The following HLCS variants were observed in gnomAD, a reference collection of about 807,000 sequenced individuals.
HLCS encodes the protein biotin--protein ligase.
In HLCS, 53 loss-of-function variants were observed where a neutral mutation model predicts 75.0. The ratio of observed to expected loss-of-function variants is 0.71; its 90% CI spans 0.57 to 0.89. HLCS has a LOEUF of 0.89. Ranked by LOEUF, HLCS falls within the 40% of genes least tolerant of loss-of-function variation. The pLI, the probability that HLCS is intolerant of heterozygous loss-of-function variation, is 0.00. For missense variants in HLCS, 966 were observed against 1,074.0 expected (o/e 0.90, Z 1.41); for synonymous variants, 431 against 428.6 (o/e 1.01, Z -0.07).
intron 6 of HLCS, among the ~76,000 whole-genome samples, chr21:36,791,117 C>T (rs746804801): frequency 2.0e-5 from 3 of 152,184 alleles, no homozygotes; most frequent in Non-Finnish European, 4.4e-5. Flanking sequence ...AACATATAGG[C>T]TTGTCCAAAA....
intron 4 of HLCS, among the ~76,000 whole-genome samples, chr21:36,930,886 C>T (rs1193283588): frequency 3.9e-5 from 6 of 152,156 alleles, no homozygotes; most frequent in Non-Finnish European, 7.3e-5. Context: ...TGAGAGGCCA[C>T]GGTGGAAATG....
intron 6 of HLCS, among the ~76,000 whole-genome samples, chr21:36,857,946 C>T (rs1359270180): frequency 1.1e-4 from 17 of 151,922 alleles, no homozygotes; most frequent in African/African-American, 4.1e-4. Flanking sequence ...TGAGGCACCA[C>T]ACCCGGCTAA....
intron 6 of HLCS, among the ~76,000 whole-genome samples, chr21:36,879,557 G>C (rs2064123665): frequency 6.6e-6 from 1 of 152,046 alleles, no homozygotes; most frequent in African/African-American, 2.4e-5. Flanking sequence ...TTTCCATTTT[G>C]GAATGGGGTG....
chr21:36,822,223 C>T (rs1427741878), intron 6 of HLCS, among the ~76,000 whole-genome samples: 1 of 152,148 alleles, frequency 6.6e-6, no homozygotes, highest in East Asian at 1.9e-4. Context: ...AGTTCGAAAC[C>T]AGCCTGGCCA....
At chr21:36,916,833 A>T (rs2065954702) in intron 5 of HLCS, among the ~76,000 whole-genome samples, 1 of 152,124 alleles carries the variant, frequency 6.6e-6, no homozygotes. Flanking sequence ...ACTTCAAATA[A>T]AACAAATACT....
chr21:36,817,161 T>C (rs1051947317), intron 6 of HLCS, among the ~76,000 whole-genome samples: 5 of 152,344 alleles, frequency 3.3e-5, no homozygotes, highest in African/African-American at 1.2e-4. Context: ...CATACTCTTT[T>C]CAAAATGAAA....
At chr21:36,905,871 G>A (rs1458861197) in intron 5 of HLCS, among the ~76,000 whole-genome samples, 1 of 151,928 alleles carries the variant, frequency 6.6e-6, no homozygotes, top group Admixed American at 6.6e-5. Flanking sequence ...GGCCAACATG[G>A]TGAAACCCCA....
intron 6 of HLCS, among the ~76,000 whole-genome samples, chr21:36,782,915 C>A (rs1216377485): frequency 6.6e-6 from 1 of 151,752 alleles, no homozygotes; most frequent in Non-Finnish European, 1.5e-5. Flanking sequence ...ACTTGGGAGG[C>A]AGAGACTGCC....
intron 6 of HLCS, among the ~76,000 whole-genome samples, chr21:36,891,185 C>T (rs1189687910): frequency 6.6e-6 from 1 of 152,188 alleles, no homozygotes; most frequent in Non-Finnish European, 1.5e-5. Context: ...CCCCTTCCTC[C>T]CACTTACTGG....
At chr21:36,874,192 T>C (rs1371906573) in intron 6 of HLCS, among the ~76,000 whole-genome samples, 1 of 152,016 alleles carries the variant, frequency 6.6e-6, no homozygotes, top group Non-Finnish European at 1.5e-5. Context: ...CTTTAACACC[T>C]GTCTCAAAAA....
intron 6 of HLCS, among the ~76,000 whole-genome samples, chr21:36,845,732 C>T (rs961419378): frequency 4.6e-5 from 7 of 152,102 alleles, no homozygotes; most frequent in Non-Finnish European, 8.8e-5. Flanking sequence ...TAAAGCTGCA[C>T]GTGTAATCGT....
chr21:36,848,092 A>G (rs1302062971), intron 6 of HLCS, among the ~76,000 whole-genome samples: 1 of 152,164 alleles, frequency 6.6e-6, no homozygotes, highest in East Asian at 1.9e-4. Context: ...ACATCCACAT[A>G]TATAAAACTT....
intron 5 of HLCS, among the ~76,000 whole-genome samples, chr21:36,902,870 G>A (rs960888132): frequency 6.6e-6 from 1 of 152,202 alleles, no homozygotes; most frequent in Non-Finnish European, 1.5e-5. Flanking sequence ...CAGCTATCCA[G>A]CCATGTGGGC....
At position 36,876,027 on chromosome 21, in the gene HLCS, CGG is replaced by C. The variant is rs1271914581; in HGVS notation, c.1892+20831_1892+20832del. Among the ~76,000 whole-genome samples the C allele has an allele frequency of 2.6e-5, 4 of 152,230 alleles. No individual in the cohort carries two copies. The East Asian group carries it at 7.8e-4, about 30-fold the overall frequency. On this transcript the variant is annotated intron_variant, in intron 6 of 10. Coordinates refer to ENST00000674895, the MANE Select transcript of HLCS (RefSeq NM_001352514.2). ...CATCTGATCTAGCCTCAGCCTTGCA[CGG>C]AGGCAGCACCCGTGCCAGGGCATGG...
chr21:36,867,692 T>C (rs1473567139), intron 6 of HLCS, among the ~76,000 whole-genome samples: 7 of 152,248 alleles, frequency 4.6e-5, no homozygotes, highest in African/African-American at 1.2e-4. Context: ...TCTGAATGAC[T>C]GCATGGAACA....
intron 6 of HLCS, among the ~76,000 whole-genome samples, chr21:36,798,825 T>C (rs907488470): frequency 6.6e-6 from 1 of 152,240 alleles, no homozygotes; most frequent in Non-Finnish European, 1.5e-5. Context: ...TAGGAATTTA[T>C]AAATTTTCTT....
intron 8 of HLCS, 151 bp downstream of exon 8, chr21:36,764,861 C>G: frequency 8.6e-6 from 7 of 817,410 alleles, no homozygotes; most frequent in Admixed American, 2.0e-5. Flanking sequence ...TGGTGGTGCT[C>G]TGAAAACTCC....
At chr21:36,831,624 A>G (rs1266396648) in intron 6 of HLCS, among the ~76,000 whole-genome samples, 1 of 152,186 alleles carries the variant, frequency 6.6e-6, no homozygotes, top group Non-Finnish European at 1.5e-5. Flanking sequence ...TGGAGGTTGC[A>G]GTGAGCCAAG....
intron 6 of HLCS, among the ~76,000 whole-genome samples, chr21:36,855,536 TAAAAAAA>T (rs71901243): frequency 1.3e-4 from 10 of 75,662 alleles, no homozygotes; most frequent in Admixed American, 2.7e-4. Flanking sequence ...AGACTCCATC[TAAAAAAA>T]AAAAAAAAAA....
Sources: allele counts gnomAD v4.1 joint callset (sites outside exome capture counted in the v4.1 genomes callset), GRCh38; gene constraint gnomAD v4.1.1; transcripts MANE v1.5; gene names NCBI Gene and HGNC (gene_info 2026-07-23, HGNC 2026-07-21).